Variants in VPS8 observed in about 807,000 individuals in gnomAD.
The protein encoded by VPS8 is VPS8 subunit of CORVET complex.
A neutral mutation model predicts 216.4 loss-of-function variants in VPS8; 129 were observed. That is an observed-to-expected ratio of 0.60 (90% confidence interval 0.52 to 0.69). The LOEUF is 0.69. VPS8 is among the 30% of genes least tolerant of loss of function. The probability of loss-of-function intolerance (pLI) is 0.00; values close to 1 mark genes in which losing one functional copy is unlikely to be tolerated. For synonymous variants in VPS8, 571 were observed against 565.4 expected, an observed-to-expected ratio of 1.01 and a Z score of -0.14; for missense variants, 1,531 against 1,683.5, an observed-to-expected ratio of 0.91 and a Z score of 1.59.
chr3:185,035,589 G>C (rs1474498223), intron 46 of VPS8, among the ~76,000 whole-genome samples: 1 of 152,056 alleles, frequency 6.6e-6, no homozygotes, highest in Non-Finnish European at 1.5e-5. Context: ...CAACAGACTA[G>C]GCATCAAAGG....
chr3:184,978,288 C>G (rs1749631326), intron 40 of VPS8, among the ~76,000 whole-genome samples: 1 of 152,042 alleles, frequency 6.6e-6, no homozygotes. Flanking sequence ...TTAATGTCCC[C>G]TTGTCATTTC....
At chr3:184,848,203 G>T (rs916508174) in intron 8 of VPS8, among the ~76,000 whole-genome samples, 1 of 152,030 alleles carries the variant, frequency 6.6e-6, no homozygotes, top group Non-Finnish European at 1.5e-5. Context: ...GTGAGCCACC[G>T]TGCCTAGCCA....
intron 15 of VPS8, 100 bp downstream of exon 15, chr3:184,860,165 C>A: frequency 9.7e-7 from 1 of 1,030,918 alleles, no homozygotes; most frequent in Non-Finnish European, 1.4e-6. Flanking sequence ...GAATTATTAC[C>A]TTTAAGATCA....
chr3:185,032,726 C>T (rs894951762), intron 46 of VPS8, among the ~76,000 whole-genome samples: 9 of 151,902 alleles, frequency 5.9e-5, no homozygotes, highest in Middle Eastern at 3.4e-3. Flanking sequence ...AGTGCAGTGG[C>T]GCAATCTCGG....
intron 29 of VPS8, 67 bp from the exon 30 acceptor site, chr3:184,924,795 T>TTG: frequency 7.2e-7 from 1 of 1,389,778 alleles, no homozygotes; most frequent in South Asian, 1.3e-5. Flanking sequence ...CGTCTTCTAA[T>TTG]TGTATTTTTT....
At position 184,824,708 on chromosome 3, in the gene VPS8, T is replaced by C; in HGVS notation, c.76T>C (p.Ser26Pro). Residue 26 changes from serine to proline, a missense_variant, in exon 2 of 48, where the codon TCT becomes CCT. Ser to Pro is a moderately conservative substitution (Grantham distance 74). Around this residue, in one of 3 missense-constraint regions of VPS8, gnomAD observed 199 missense variants for 182.2 expected, o/e 1.09. Coordinates refer to ENST00000625842, the MANE Select transcript of VPS8 (RefSeq NM_001009921.3). ...GACGAGCGAAGAAGAGCTGAATAAG[T>C]CTTTCAATCTAGAAGCTTCACTTTC... is the stretch of plus-strand genomic sequence containing the variant. ...AKTSEEELNK[S>P]FNLEASLSKF... is the part of the protein sequence containing the mutation. The C allele has an allele frequency of 1.9e-6, 3 of 1,613,902 alleles. No homozygotes were observed. The highest frequency in any genetic ancestry group is 2.5e-6 in the Non-Finnish European group (3 of 1,179,850).
In VPS8 at chr3:184,870,746, C is replaced by A; in HGVS notation, c.1675C>A (p.Arg559=). ...AGAAATCCTATTCCATTATGCAGAT[C>A]GAGCTCTGAAAAAGTGCCCAGACCA... ...MVEILFHYAD[R]ALKKCPDQGK... Residue 559 remains arginine (R), a synonymous_variant, in exon 21 of 48, where the codon CGA becomes AGA. Coordinates refer to ENST00000625842, the MANE Select transcript of VPS8 (RefSeq NM_001009921.3). 6.2e-7 allele frequency: 1 copy of A among 1,612,340 alleles called. No individual in the cohort carries two copies.
intron 8 of VPS8, among the ~76,000 whole-genome samples, chr3:184,845,275 G>C (rs1052068855): frequency 2.6e-5 from 4 of 152,074 alleles, no homozygotes; most frequent in African/African-American, 9.7e-5. Flanking sequence ...GAGGTTTTAT[G>C]TTTATTTTGG....
At chr3:184,933,844 C>G (rs1041246383) in intron 34 of VPS8, among the ~76,000 whole-genome samples, 2 of 152,144 alleles carry the variant, frequency 1.3e-5, no homozygotes, top group African/African-American at 4.8e-5. Flanking sequence ...TTGTCCATCT[C>G]TGCATCAGTA....
At chr3:185,033,673 T>C (rs1398967823) in intron 46 of VPS8, among the ~76,000 whole-genome samples, 1 of 152,244 alleles carries the variant, frequency 6.6e-6, no homozygotes, top group Non-Finnish European at 1.5e-5. Flanking sequence ...GGTAAGACTA[T>C]CTTTACATTT....
At chr3:184,868,845 C>T (rs1358353510) in intron 18 of VPS8, 101 bp from the exon 19 acceptor site, 14 of 912,504 alleles carry the variant, frequency 1.5e-5, no homozygotes, top group Non-Finnish European at 2.4e-5. Flanking sequence ...TAATTTTAGC[C>T]ACTAAGCAGC....
chr3:184,944,051 A>ACT (rs1172244381), intron 36 of VPS8, among the ~76,000 whole-genome samples: 1 of 152,154 alleles, frequency 6.6e-6, no homozygotes, highest in Non-Finnish European at 1.5e-5. Context: ...GCACACACAC[A>ACT]CACACACACA....
chr3:184,895,895 A>G (rs1733385287), intron 23 of VPS8, among the ~76,000 whole-genome samples: 1 of 151,116 alleles, frequency 6.6e-6, no homozygotes, highest in Non-Finnish European at 1.5e-5. Flanking sequence ...TGGCCTTCCA[A>G]AGTGCTGAGA....
intron 46 of VPS8, among the ~76,000 whole-genome samples, chr3:185,036,538 G>A (rs1412621571): frequency 6.6e-6 from 1 of 151,632 alleles, no homozygotes; most frequent in Non-Finnish European, 1.5e-5. Flanking sequence ...AAATGGTGCT[G>A]TATATCTTTT....
At chr3:185,034,305 C>T (rs190004498) in intron 46 of VPS8, among the ~76,000 whole-genome samples, 3 of 152,124 alleles carry the variant, frequency 2.0e-5, no homozygotes, top group Admixed American at 6.5e-5. Context: ...GTTGATTACA[C>T]GTCCTTGCTA....
chr3:184,835,639 G>C (rs531278916), intron 5 of VPS8, among the ~76,000 whole-genome samples: 1 of 150,700 alleles, frequency 6.6e-6, no homozygotes, highest in Admixed American at 6.6e-5. Flanking sequence ...GTATTTTCAT[G>C]TTCTTTTTGG....
intron 37 of VPS8, among the ~76,000 whole-genome samples, chr3:184,960,126 A>G (rs1012494511): frequency 1.3e-5 from 2 of 152,092 alleles, no homozygotes; most frequent in African/African-American, 4.8e-5. Context: ...GCTGAGAATG[A>G]TGGTTTCCAG....
chr3:184,892,134 G>A (rs969347725), intron 22 of VPS8, among the ~76,000 whole-genome samples: 2 of 152,120 alleles, frequency 1.3e-5, no homozygotes, highest in Non-Finnish European at 2.9e-5. Context: ...TTTGAAGTCA[G>A]CCCTTCTAGG....
At chr3:184,995,365 C>T (rs1455675191) in intron 43 of VPS8, among the ~76,000 whole-genome samples, 2 of 152,098 alleles carry the variant, frequency 1.3e-5, no homozygotes, top group African/African-American at 2.4e-5. Flanking sequence ...TTTGGTTAAG[C>T]GTAGCCCAGT....
Sources: gnomAD v4.1 joint callset for allele counts (sites outside exome capture counted in the v4.1 genomes callset) on GRCh38, gnomAD v4.1.1 for gene constraint, gnomAD v4.1.1 regional missense constraint, MANE v1.5 for transcripts, NCBI Gene and HGNC (gene_info 2026-07-23, HGNC 2026-07-21) for gene names.